CFAP221: variants seen among roughly 807,000 people sequenced by gnomAD.
The protein encoded by CFAP221 is cilia- and flagella-associated protein 221.
CFAP221 carries 97 observed loss-of-function variants against 113.1 expected under a neutral mutation model. That is an observed-to-expected ratio of 0.86 (90% CI 0.73 to 1.02). The LOEUF is 1.02. Ranked by LOEUF, CFAP221 falls within the 50% of genes least tolerant of loss-of-function variation. The pLI, the probability that CFAP221 is intolerant of heterozygous loss-of-function variation, is 0.00. For synonymous variants in CFAP221, 331 were observed against 354.4 expected (o/e 0.93, Z 0.74); for missense variants, 1,025 against 1,013.4 (o/e 1.01, Z -0.16).
At chr2:119,626,027 G>C (rs4849787) in intron 15 of CFAP221, among the ~76,000 whole-genome samples, 148,509 of 152,266 alleles carry the variant, frequency 0.98, 72,546 homozygotes, top group South Asian at 1. Flanking sequence ...CCAAGGTGCT[G>C]GTAGGGCTGC....
chr2:119,556,603 G>T (rs1405052005), intron 3 of CFAP221, among the ~76,000 whole-genome samples: 1 of 150,252 alleles, frequency 6.7e-6, no homozygotes, highest in African/African-American at 2.5e-5. Context: ...ACCCAGGTTG[G>T]AGTGCAATGG....
At chr2:119,605,071 C>T in intron 10 of CFAP221, 84 bp downstream of exon 10, 13 of 1,489,934 alleles carry the variant, frequency 8.7e-6, no homozygotes, top group Non-Finnish European at 1.2e-5. Flanking sequence ...CTATGAACAA[C>T]AAAATTCAGT....
downstream of CFAP221, chr2:119,656,664 G>C (rs1202778352): frequency 2.4e-6 from 1 of 417,524 alleles, no homozygotes; most frequent in Non-Finnish European, 4.3e-6. Context: ...GATGATGACA[G>C]CGTTGTTAGC....
intron 3 of CFAP221, among the ~76,000 whole-genome samples, chr2:119,551,283 G>A (rs1573975648): frequency 2.0e-5 from 3 of 152,116 alleles, no homozygotes; most frequent in African/African-American, 7.2e-5. Context: ...GCATTATTGG[G>A]TTATATGGTT....
intron 22 of CFAP221, among the ~76,000 whole-genome samples, chr2:119,650,740 T>C (rs1252063491): frequency 6.6e-6 from 1 of 152,252 alleles, no homozygotes; most frequent in African/African-American, 2.4e-5. Flanking sequence ...GAAGATAATG[T>C]TTGCAAAGCG....
chr2:119,630,978 C>T (rs1400474880), intron 19 of CFAP221, 77 bp downstream of exon 19: 1 of 1,517,572 alleles, frequency 6.6e-7, no homozygotes, highest in Non-Finnish European at 8.9e-7. Flanking sequence ...ACAGAGCACT[C>T]ATTGGGAATA....
At chr2:119,659,407 CCCCT>C, downstream of CFAP221, among the ~76,000 whole-genome samples, 1 of 116,262 alleles carries the variant, frequency 8.6e-6, no homozygotes, top group East Asian at 2.6e-4. Context: ...ATCTTGGGTT[CCCCT>C]ACACGCTAGT....
intron 3 of CFAP221, among the ~76,000 whole-genome samples, chr2:119,549,732 C>G (rs1680292713): frequency 6.6e-6 from 1 of 152,178 alleles, no homozygotes; most frequent in Non-Finnish European, 1.5e-5. Flanking sequence ...ATGCCCATGC[C>G]TAATCAGTCA....
At chr2:119,593,769 C>T (rs368539867) in intron 7 of CFAP221, among the ~76,000 whole-genome samples, 49 of 151,826 alleles carry the variant, frequency 3.2e-4, no homozygotes, top group East Asian at 1.4e-3. Flanking sequence ...ACCTGGGAGG[C>T]GGAGCTTGCA....
At chr2:119,634,460 G>A (rs146356465) in intron 19 of CFAP221, among the ~76,000 whole-genome samples, 375 of 152,108 alleles carry the variant, frequency 2.5e-3, no homozygotes, top group Admixed American at 0.01. Flanking sequence ...AAACAAGACC[G>A]TGTTTCAAAA....
Position 119,546,230 on chromosome 2 carries a change from G to GA in CFAP221, c.106dup (p.Arg36LysfsTer6). 1 of 1,534,674 alleles carries GA rather than the reference G, an allele frequency of 6.5e-7. No individual in the cohort carries two copies. The highest frequency in any genetic ancestry group is 8.7e-7 in the Non-Finnish European group (1 of 1,146,378). On this transcript the variant is annotated frameshift_variant, in exon 2 of 24. Coordinates refer to ENST00000413369, the MANE Select transcript of CFAP221 (RefSeq NM_001271049.2). LOFTEE classifies it high-confidence loss of function. ...TCTTGAAGAACCTAGTGGAGGAGCCGAAAAAAAGAAAAGAAGTACCTAATC... is the reference window on the plus strand; with the variant it reads ...TCTTGAAGAACCTAGTGGAGGAGCCGAAAAAAAAGAAAAGAAGTACCTAATC...
intron 11 of CFAP221, among the ~76,000 whole-genome samples, chr2:119,606,583 T>C (rs1488536393): frequency 1.3e-5 from 2 of 152,142 alleles, no homozygotes; most frequent in East Asian, 3.9e-4. Context: ...TTTTCCCTAT[T>C]ATGAAAAACA....
At chr2:119,632,323 G>A (rs1381820361) in intron 19 of CFAP221, among the ~76,000 whole-genome samples, 26 of 152,014 alleles carry the variant, frequency 1.7e-4, no homozygotes, top group Admixed American at 1.7e-3. Flanking sequence ...AACCAAATAG[G>A]GGCTTGAACC....
chr2:119,608,924 T>C (rs1287207261), intron 12 of CFAP221, among the ~76,000 whole-genome samples: 1 of 152,188 alleles, frequency 6.6e-6, no homozygotes, highest in Non-Finnish European at 1.5e-5. Flanking sequence ...AATTTTGAGT[T>C]GGGGTCCCCT....
intron 8 of CFAP221, 159 bp downstream of exon 8, chr2:119,601,536 A>G: frequency 3.0e-6 from 2 of 669,138 alleles, no homozygotes; most frequent in Non-Finnish European, 4.6e-6. Context: ...TAACAGAAAT[A>G]TAGAATATAT....
At position 119,630,686 on chromosome 2, in the gene CFAP221, C is replaced by A. The variant is rs371864181; in HGVS notation, c.1839+9C>A. 5 of 1,606,488 alleles carry A rather than the reference C, an allele frequency of 3.1e-6. No individual in the cohort carries two copies. The highest frequency in any genetic ancestry group is 3.3e-5 in the Admixed American group (2 of 60,004). ...TAAAGCAAGGAGCTGAGGTAACACA[C>A]CCCCATCTTCCAGAATCTCTCTCAT... On this transcript the variant is annotated intron_variant, in intron 18 of 23. Coordinates refer to ENST00000413369, the MANE Select transcript of CFAP221 (RefSeq NM_001271049.2).
chr2:119,601,489 T>A, intron 8 of CFAP221, 112 bp downstream of exon 8: 1 of 1,002,038 alleles, frequency 1.0e-6, no homozygotes, highest in Non-Finnish European at 1.4e-6. Flanking sequence ...AAAACTTATT[T>A]AAAATGATGA....
At chr2:119,627,820 A>G (rs777318084) in intron 16 of CFAP221, 34 bp downstream of exon 16, 1 of 1,611,188 alleles carries the variant, frequency 6.2e-7, no homozygotes, top group Non-Finnish European at 8.5e-7. Flanking sequence ...CGGGGAGTGG[A>G]CATGATCATG....
At chr2:119,638,015 C>T (rs1028359182) in intron 19 of CFAP221, 1 of 329,492 alleles carries the variant, frequency 3.0e-6, no homozygotes, top group Non-Finnish European at 5.5e-6. Context: ...TTTAGTAAAC[C>T]CATATGGTTT....
Sources: allele counts gnomAD v4.1 joint callset (sites outside exome capture counted in the v4.1 genomes callset), GRCh38; gene constraint gnomAD v4.1.1; transcripts MANE v1.5; gene names NCBI Gene and HGNC (gene_info 2026-07-23, HGNC 2026-07-21).